Variants in PAX3 observed in about 807,000 individuals in gnomAD.
PAX3 encodes the protein paired box protein Pax-3.
A neutral mutation model predicts 51.6 loss-of-function variants in PAX3; 14 were observed. That is an observed-to-expected ratio of 0.27 (90% CI 0.18 to 0.42). The LOEUF is 0.42. Among genes scored for constraint, PAX3 ranks in the 10% least tolerant of loss-of-function variants. The probability of loss-of-function intolerance (pLI) is 1.00; values close to 1 mark genes in which losing one functional copy is unlikely to be tolerated. For missense variants in PAX3, 540 were observed against 642.8 expected (o/e 0.84, Z 1.73); for synonymous variants, 280 against 253.4 (o/e 1.11, Z -1.00).
At chr2:222,231,249 C>T (rs1549773) in intron 5 of PAX3, among the ~76,000 whole-genome samples, 19,574 of 152,172 alleles carry the variant, frequency 0.13, 1,392 homozygotes, top group Middle Eastern at 0.16. Context: ...AAATAACACA[C>T]AATATTTGCA....
intron 7 of PAX3, among the ~76,000 whole-genome samples, chr2:222,203,926 G>C (rs958690385): frequency 3.3e-5 from 5 of 151,982 alleles, no homozygotes; most frequent in Non-Finnish European, 7.4e-5. Context: ...TTTTCATTTT[G>C]TTGTCTCTCT....
At chr2:222,257,897 T>C (rs763546222) in intron 4 of PAX3, among the ~76,000 whole-genome samples, 1 of 152,038 alleles carries the variant, frequency 6.6e-6, no homozygotes, top group African/African-American at 2.4e-5. Context: ...ACCACCTCTG[T>C]GAGAACATCC....
intron 4 of PAX3, among the ~76,000 whole-genome samples, chr2:222,291,134 C>G (rs1325674060): frequency 1.3e-5 from 2 of 152,168 alleles, no homozygotes; most frequent in African/African-American, 4.8e-5. Context: ...CCCGCGGGCC[C>G]GCTAGGCCGA....
In PAX3 at chr2:222,206,806, T is replaced by G. The variant is rs569725678; in HGVS notation, c.1174-4616A>C. Among the ~76,000 whole-genome samples the G allele has an allele frequency of 3.9e-5, 6 of 152,288 alleles. No homozygotes were observed. The South Asian group carries it at 8.3e-4, about 21-fold the overall frequency. Reference sequence around the variant, plus strand: ...AAAATATTTGTCTTGGCACAAGCATTATGGTTTTCCCATCAGTTGAAAGTG... The same window carrying G: ...AAAATATTTGTCTTGGCACAAGCATGATGGTTTTCCCATCAGTTGAAAGTG... On this transcript the variant is annotated intron_variant, in intron 7 of 8. Transcript: ENST00000392070.
At chr2:222,238,556 A>C (rs1459445079) in intron 4 of PAX3, among the ~76,000 whole-genome samples, 1 of 152,200 alleles carries the variant, frequency 6.6e-6, no homozygotes, top group Non-Finnish European at 1.5e-5. Context: ...TTTAAATTCT[A>C]TGTTTGCCCT....
At chr2:222,218,624 T>C (rs956163475) in intron 7 of PAX3, among the ~76,000 whole-genome samples, 3 of 152,174 alleles carry the variant, frequency 2.0e-5, no homozygotes, top group African/African-American at 7.2e-5. Context: ...TGGAAGAAGC[T>C]CATATGCCAT....
rs567643360 is a variant in PAX3 at position 222,234,408 on chromosome 2, C to T, written c.587-2125G>A. On this transcript the variant is annotated intron_variant, in intron 4 of 8. Coordinates refer to ENST00000392070, the MANE Select transcript of PAX3 (RefSeq NM_181458.4). ...AGGACAATTAACATGCTAAAAAATA[C>T]GCTATGCATTGCATTATAAACTCCA... is the stretch of plus-strand genomic sequence containing the variant. 2.6e-5 allele frequency among the ~76,000 whole-genome samples: 4 copies of T among 152,252 alleles called. No homozygotes were observed. The South Asian group carries it at 6.2e-4, about 24-fold the overall frequency.
Position 222,200,833 on chromosome 2 carries a change from G to C in PAX3, c.*575C>G, listed in dbSNP as rs45569935. Reference sequence around the variant, plus strand: ...TAGGAGGTCCTTTACAGCTAGTCTAGCTTCCTAAAAATGGTTGCATTTATC... The same window carrying C: ...TAGGAGGTCCTTTACAGCTAGTCTACCTTCCTAAAAATGGTTGCATTTATC... On this transcript the variant is annotated 3_prime_UTR_variant, in exon 9 of 9. Transcript: ENST00000392070. The C allele has an allele frequency of 6.3e-3, 2,349 of 371,558 alleles. 16 individuals are homozygous for C. The highest frequency in any genetic ancestry group is 9.4e-3 in the Admixed American group (217 of 23,042). 23.0% of individuals were successfully genotyped at this position (371,558 alleles called of 1,614,324 possible).
chr2:222,268,717 C>T (rs1419564772), intron 4 of PAX3, among the ~76,000 whole-genome samples: 1 of 152,168 alleles, frequency 6.6e-6, no homozygotes, highest in African/African-American at 2.4e-5. Flanking sequence ...TCAACGAGAA[C>T]TTTCCTAGAT....
intron 4 of PAX3, among the ~76,000 whole-genome samples, chr2:222,255,553 A>G (rs1010426875): frequency 2.0e-5 from 3 of 152,236 alleles, no homozygotes; most frequent in Non-Finnish European, 4.4e-5. Context: ...CCTATCTAGC[A>G]TCTACCATGT....
At chr2:222,231,944 A>G (rs1465311608) in intron 5 of PAX3, 134 bp downstream of exon 5, 1 of 787,480 alleles carries the variant, frequency 1.3e-6, no homozygotes, top group Non-Finnish European at 2.2e-6. Flanking sequence ...TCAAAGTCCT[A>G]ACAATATGCA....
intron 7 of PAX3, among the ~76,000 whole-genome samples, chr2:222,217,969 T>G (rs1179244790): frequency 6.6e-6 from 1 of 152,190 alleles, no homozygotes; most frequent in Non-Finnish European, 1.5e-5. Flanking sequence ...CCTTTGCTCT[T>G]TAACTTTGCC....
chr2:222,252,295 G>A (rs1408495062), intron 4 of PAX3, among the ~76,000 whole-genome samples: 1 of 152,154 alleles, frequency 6.6e-6, no homozygotes, highest in Non-Finnish European at 1.5e-5. Flanking sequence ...TAGTCTATAT[G>A]ATAGCCAACA....
chr2:222,272,745 C>A (rs1694296703), intron 4 of PAX3, among the ~76,000 whole-genome samples: 1 of 152,218 alleles, frequency 6.6e-6, no homozygotes, highest in Non-Finnish European at 1.5e-5. Context: ...TCTTTTTCCT[C>A]TTTCATGTTT....
Position 222,202,031 on chromosome 2 carries a change from A to T in PAX3, c.1333T>A (p.Ser445Thr), listed in dbSNP as rs774896277. Reference sequence around the variant, plus strand: ...TAGGTGGGTGGACAGTAGGACTGAGATGTTGGCAGACTGTCCAAGCTCTTC... The same window carrying T: ...TAGGTGGGTGGACAGTAGGACTGAGTTGTTGGCAGACTGTCCAAGCTCTTC... ...HMKSLDSLPT[S>T]QSYCPPTYST... The change falls in exon 8 of 9, where the codon TCT (serine) becomes ACT (threonine). Residue 445 changes from serine to threonine, a missense_variant. By Grantham distance (58) the Ser-to-Thr change is moderately conservative. This residue lies in a region of PAX3 where 427 missense variants were observed against 483.6 expected (regional missense o/e 0.88). Coordinates refer to ENST00000392070, the MANE Select transcript of PAX3 (RefSeq NM_181458.4). 2 of 1,613,914 alleles carry T rather than the reference A, an allele frequency of 1.2e-6. No homozygotes were observed. Among genetic ancestry groups the T allele is most frequent in the Non-Finnish European group, 1.7e-6 (2 of 1,180,018 alleles).
At position 222,220,170 on chromosome 2, in the gene PAX3, G is replaced by A. The variant is rs780344754; in HGVS notation, c.1143C>T (p.Asn381=). ...VPPSGPSNPM[N]PTIGNGLSPQ... ...GTGAGAGGCCATTGCCAATGGTGGG[G>A]TTCATGGGGTTGGAGGGCCCCGACG... The change falls in exon 7 of 9, where the codon AAC becomes AAT. Residue 381 remains asparagine, a synonymous_variant. Transcript: ENST00000392070. 3.7e-6 allele frequency: 6 copies of A among 1,613,852 alleles called. No homozygotes were observed. Among genetic ancestry groups the A allele is most frequent in the Non-Finnish European group, 5.1e-6 (6 of 1,179,902 alleles).
chr2:222,246,223 G>A (rs1231088184), intron 4 of PAX3, among the ~76,000 whole-genome samples: 1 of 151,954 alleles, frequency 6.6e-6, no homozygotes, highest in African/African-American at 2.4e-5. Flanking sequence ...GCTTTTCCTG[G>A]GTAAAAACCA....
intron 4 of PAX3, among the ~76,000 whole-genome samples, chr2:222,273,234 A>G (rs1386645796): frequency 1.3e-5 from 2 of 152,240 alleles, no homozygotes; most frequent in African/African-American, 2.4e-5. Context: ...TCCTTACAAC[A>G]TGATACTGAA....
At position 222,294,174 on chromosome 2, in the gene PAX3, G is replaced by T. The variant is rs80081387; in HGVS notation, c.579C>A (p.Ser193Arg). The change falls in exon 4 of 9, where the codon AGC becomes AGA. Residue 193 changes from serine (S) to arginine (R), a missense_variant. By Grantham distance (110) the Ser-to-Arg change is moderately radical. Around this residue, in one of 3 missense-constraint regions of PAX3, gnomAD observed 427 missense variants for 483.6 expected, o/e 0.88. Coordinates refer to ENST00000392070, the MANE Select transcript of PAX3 (RefSeq NM_181458.4). ...CAAGGCGCCACCGCTTACCTCGCTCGCTCAGGATGCCGTCGATGCTGTGTT... is the reference window on the plus strand; with the variant it reads ...CAAGGCGCCACCGCTTACCTCGCTCTCTCAGGATGCCGTCGATGCTGTGTT... ...KAKHSIDGIL[S>R]ERASAPQSDE... 44 of 1,614,200 alleles carry T rather than the reference G, an allele frequency of 2.7e-5. No homozygotes were observed. The highest frequency in any genetic ancestry group is 3.6e-5 in the Non-Finnish European group (43 of 1,180,034).
Sources: allele counts gnomAD v4.1 joint callset (sites outside exome capture counted in the v4.1 genomes callset), GRCh38; gene constraint gnomAD v4.1.1; regional missense constraint gnomAD v4.1.1; transcripts MANE v1.5; gene names NCBI Gene and HGNC (gene_info 2026-07-23, HGNC 2026-07-21).